AGBL4: variants seen among roughly 807,000 people sequenced by gnomAD.
The protein encoded by AGBL4 is cytosolic carboxypeptidase 6.
In AGBL4, 58 loss-of-function variants were observed where a neutral mutation model predicts 66.4. That is an observed-to-expected ratio of 0.87 (90% CI 0.71 to 1.09). The LOEUF (loss-of-function observed/expected upper bound fraction) is 1.09, where lower values mean the gene tolerates loss of function less well. Among genes scored for constraint, AGBL4 ranks in the 50% least tolerant of loss-of-function variants. The pLI is 0.00. For missense variants in AGBL4, 579 were observed against 631.0 expected (o/e 0.92, Z 0.88); for synonymous variants, 234 against 222.9 (o/e 1.05, Z -0.44).
intron 2 of AGBL4, among the ~76,000 whole-genome samples, chr1:49,781,644 A>C (rs1480126205): frequency 3.3e-5 from 5 of 152,158 alleles, no homozygotes; most frequent in Admixed American, 1.3e-4. Context: ...GTAGACCTAA[A>C]AGGCATTTCT....
chr1:48,876,996 G>A (rs909867361), intron 5 of AGBL4, among the ~76,000 whole-genome samples: 1 of 152,140 alleles, frequency 6.6e-6, no homozygotes, highest in Non-Finnish European at 1.5e-5. Context: ...ACACACTGCT[G>A]GGATGTCAGA....
intron 2 of AGBL4, among the ~76,000 whole-genome samples, chr1:49,817,756 C>A (rs1284787839): frequency 5.9e-5 from 9 of 152,144 alleles, no homozygotes; most frequent in Admixed American, 2.6e-4. Flanking sequence ...AACATCTAAT[C>A]CCATTTGTAA....
intron 1 of AGBL4, among the ~76,000 whole-genome samples, chr1:49,912,963 G>T (rs1030902042): frequency 1.3e-5 from 2 of 152,294 alleles, no homozygotes; most frequent in East Asian, 1.9e-4. Flanking sequence ...ACCTCTTAAT[G>T]GTCCCCGCTC....
intron 9 of AGBL4, among the ~76,000 whole-genome samples, chr1:48,607,509 T>C (rs1490291001): frequency 6.6e-6 from 1 of 152,034 alleles, no homozygotes; most frequent in Non-Finnish European, 1.5e-5. Flanking sequence ...TCCCAGCTCC[T>C]CAGGAGGCTG....
chr1:48,560,912 C>A (rs1415408312), intron 11 of AGBL4, among the ~76,000 whole-genome samples: 1 of 152,242 alleles, frequency 6.6e-6, no homozygotes, highest in Admixed American at 6.5e-5. Flanking sequence ...TCTCATTCTT[C>A]ATTTCTTTCT....
chr1:48,998,998 A>C (rs1196844746), intron 5 of AGBL4, among the ~76,000 whole-genome samples: 1 of 152,194 alleles, frequency 6.6e-6, no homozygotes, highest in African/African-American at 2.4e-5. Context: ...TAGGACCCAG[A>C]GACAGAGTTT....
At chr1:49,598,429 T>A (rs562090543) in intron 3 of AGBL4, among the ~76,000 whole-genome samples, 21 of 152,348 alleles carry the variant, frequency 1.4e-4, no homozygotes, top group African/African-American at 3.8e-4. Context: ...GTTTTCCTTC[T>A]AACAGACAGG....
chr1:49,280,592 T>C (rs1377911481), intron 3 of AGBL4, among the ~76,000 whole-genome samples: 1 of 152,148 alleles, frequency 6.6e-6, no homozygotes, highest in Non-Finnish European at 1.5e-5. Context: ...CAACTCCAAA[T>C]GTCAAGTTCA....
chr1:48,539,269 G>A (rs1389500886), intron 12 of AGBL4, among the ~76,000 whole-genome samples: 1 of 152,198 alleles, frequency 6.6e-6, no homozygotes, highest in African/African-American at 2.4e-5. Context: ...CTTTATAGAT[G>A]AGGAAACCGA....
chr1:49,363,269 C>T (rs1411311018), intron 3 of AGBL4, among the ~76,000 whole-genome samples: 2 of 152,186 alleles, frequency 1.3e-5, no homozygotes, highest in African/African-American at 4.8e-5. Context: ...TGTCTGTTCT[C>T]TTCATAAAGC....
chr1:49,736,685 A>T (rs1263229617), intron 2 of AGBL4, among the ~76,000 whole-genome samples: 4 of 152,208 alleles, frequency 2.6e-5, no homozygotes, highest in Non-Finnish European at 5.9e-5. Context: ...ATTAAACTAA[A>T]GAGTTTCTGC....
intron 5 of AGBL4, among the ~76,000 whole-genome samples, chr1:48,903,278 C>T (rs972619821): frequency 6.6e-6 from 1 of 152,200 alleles, no homozygotes; most frequent in Admixed American, 6.5e-5. Flanking sequence ...GGAACCCTCC[C>T]AGAATCTGAG....
rs375729287 is a variant in AGBL4 at position 48,658,634 on chromosome 1, C to T, written c.724+4518G>A. 1.5e-3 allele frequency among the ~76,000 whole-genome samples: 232 copies of T among 152,278 alleles called. 3 individuals are homozygous for T. In the South Asian group the frequency reaches 0.041, roughly 27 times the overall value. On this transcript the variant is annotated intron_variant, in intron 7 of 13. Coordinates refer to ENST00000371839, the MANE Select transcript of AGBL4 (RefSeq NM_032785.4). ...AGAAGTCTAGAAAAGTGAAAGGCCC[C>T]GTCACAAACGCTTAGTGGATCTAGC...
At chr1:48,838,584 C>T (rs928413233) in intron 6 of AGBL4, among the ~76,000 whole-genome samples, 1 of 152,080 alleles carries the variant, frequency 6.6e-6, no homozygotes, top group Admixed American at 6.6e-5. Context: ...CATGAAACTA[C>T]TAGAAGAAAA....
intron 3 of AGBL4, among the ~76,000 whole-genome samples, chr1:49,510,548 A>C (rs1649128655): frequency 6.6e-6 from 1 of 150,494 alleles, no homozygotes; most frequent in Non-Finnish European, 1.5e-5. Flanking sequence ...GTTCACTCTG[A>C]TGGTAGTTTC....
chr1:49,382,581 T>G (rs993621333), intron 3 of AGBL4, among the ~76,000 whole-genome samples: 2 of 152,104 alleles, frequency 1.3e-5, no homozygotes, highest in African/African-American at 4.8e-5. Context: ...GCCTGAAAGC[T>G]TTCCCTCTAA....
intron 3 of AGBL4, among the ~76,000 whole-genome samples, chr1:49,626,454 A>C (rs1645464780): frequency 6.6e-6 from 1 of 152,172 alleles, no homozygotes; most frequent in Admixed American, 6.5e-5. Flanking sequence ...AGGCAAACTC[A>C]TATCTAGAAT....
At chr1:49,947,966 ATATATATT>A (rs1252038168) in intron 1 of AGBL4, among the ~76,000 whole-genome samples, 1 of 75,072 alleles carries the variant, frequency 1.3e-5, no homozygotes, top group Non-Finnish European at 2.8e-5. Flanking sequence ...ATATATAAAT[ATATATATT>A]TATAAATATA....
intron 8 of AGBL4, among the ~76,000 whole-genome samples, chr1:48,644,839 C>T (rs1168227782): frequency 6.6e-6 from 1 of 152,200 alleles, no homozygotes; most frequent in Non-Finnish European, 1.5e-5. Flanking sequence ...ACACAAAGAA[C>T]TGGCACTATT....
Sources: gnomAD v4.1 joint callset for allele counts (sites outside exome capture counted in the v4.1 genomes callset) on GRCh38, gnomAD v4.1.1 for gene constraint, MANE v1.5 for transcripts, NCBI Gene and HGNC (gene_info 2026-07-23, HGNC 2026-07-21) for gene names.